EPHA7: variants seen among roughly 807,000 people sequenced by gnomAD.
EPHA7 encodes EPH receptor A7.
EPHA7 carries 25 observed loss-of-function variants against 112.6 expected under a neutral mutation model. That is an observed-to-expected ratio of 0.22 (90% CI 0.16 to 0.31). The LOEUF (loss-of-function observed/expected upper bound fraction) is 0.31. EPHA7 is among the 10% of genes least tolerant of loss of function. EPHA7 has a pLI of 1.00. For missense variants in EPHA7, 962 were observed against 1,212.6 expected (o/e 0.79, Z 3.07); for synonymous variants, 437 against 406.5 (o/e 1.07, Z -0.90).
intron 5 of EPHA7, among the ~76,000 whole-genome samples, chr6:93,284,831 C>T (rs1358917119): frequency 6.7e-6 from 1 of 149,202 alleles, no homozygotes; most frequent in African/African-American, 2.5e-5. Flanking sequence ...GAACATCACA[C>T]ACCAGGGCCT....
rs1043638833 is a variant in EPHA7, at chr6:93,394,433, T to G, written c.832+16068A>C. Among the ~76,000 whole-genome samples, 3 of 151,602 alleles carry G rather than the reference T, an allele frequency of 2.0e-5. No individual in the cohort carries two copies. In the East Asian group the frequency reaches 5.8e-4, roughly 29 times the overall value. ...TTGAGCACCATTTTACTTAGAAAGG[T>G]GCTTAGATTAACAAAAATGTGGGAG... is the stretch of plus-strand genomic sequence containing the variant. On this transcript the variant is annotated intron_variant, in intron 3 of 16. Coordinates refer to ENST00000369303, the MANE Select transcript of EPHA7 (RefSeq NM_004440.4).
Position 93,245,390 on chromosome 6 carries a change from T to C in EPHA7, c.2790A>G (p.Glu930=). The C allele has an allele frequency of 6.2e-7, 1 of 1,613,812 alleles. No homozygotes were observed. Among genetic ancestry groups the C allele is most frequent in the Non-Finnish European group, 8.5e-7 (1 of 1,179,868 alleles). Residue 930 remains glutamate, a synonymous_variant, in exon 16 of 17, where the codon GAA becomes GAG. Coordinates refer to ENST00000369303, the MANE Select transcript of EPHA7 (RefSeq NM_004440.4). ...PDFTTFCSVG[E]WLQAIKMERY... ...TTTCCATCTTAATAGCTTGTAGCCA[T>C]TCTCCAACTGAACAAAAGGTAGTGA...
At chr6:93,351,441 T>C (rs1775689078) in intron 5 of EPHA7, among the ~76,000 whole-genome samples, 1 of 152,076 alleles carries the variant, frequency 6.6e-6, no homozygotes, top group African/African-American at 2.4e-5. Flanking sequence ...TGAGAAACTA[T>C]CCCTAACCTC....
intron 3 of EPHA7, among the ~76,000 whole-genome samples, chr6:93,407,265 C>G (rs1226325550): frequency 6.6e-6 from 1 of 152,052 alleles, no homozygotes; most frequent in Non-Finnish European, 1.5e-5. Context: ...GCTAACCACT[C>G]TCATTTGGCT....
intron 14 of EPHA7, 108 bp from the exon 15 acceptor site, chr6:93,247,093 G>T: frequency 9.9e-7 from 1 of 1,005,092 alleles, no homozygotes; most frequent in South Asian, 2.3e-5. Flanking sequence ...GAGGCACAAT[G>T]CTTCACAAAA....
At chr6:93,366,078 T>C (rs895537322) in intron 3 of EPHA7, among the ~76,000 whole-genome samples, 4 of 152,160 alleles carry the variant, frequency 2.6e-5, no homozygotes, top group African/African-American at 4.8e-5. Flanking sequence ...TCTGGAGTTA[T>C]GACTCTTTAT....
chr6:93,291,280 A>T (rs367833661), intron 5 of EPHA7, among the ~76,000 whole-genome samples: 132 of 152,342 alleles, frequency 8.7e-4, no homozygotes, highest in East Asian at 8.1e-3. Flanking sequence ...TTTATTTTGA[A>T]TGCAATGTTC....
Position 93,240,558 on chromosome 6 carries a change from C to T in EPHA7, c.*2868G>A, listed in dbSNP as rs532104624. On this transcript the variant is annotated 3_prime_UTR_variant, in exon 17 of 17. Coordinates refer to ENST00000369303, the MANE Select transcript of EPHA7 (RefSeq NM_004440.4). ...TCAATTGCTGAGAAAATGTTAGATT[C>T]AAATGTAGAACAAGTTACTTTTATT... 1 of 220,226 alleles carries T rather than the reference C, an allele frequency of 4.5e-6. No homozygotes were observed. Among genetic ancestry groups the T allele is most frequent in the South Asian group, 1.9e-4 (1 of 5,396 alleles). 13.6% of individuals were successfully genotyped at this position (220,226 alleles called of 1,614,324 possible).
intron 5 of EPHA7, among the ~76,000 whole-genome samples, chr6:93,321,395 A>G (rs1774065858): frequency 6.6e-6 from 1 of 151,866 alleles, no homozygotes; most frequent in African/African-American, 2.4e-5. Flanking sequence ...GCATTCCCCA[A>G]TAAAATTCCT....
chr6:93,398,923 A>C lies in EPHA7; in HGVS notation c.832+11578T>G, dbSNP rs535114142. Among the ~76,000 whole-genome samples the C allele has an allele frequency of 4.6e-5, 7 of 152,196 alleles. No individual in the cohort carries two copies. The South Asian group carries it at 8.3e-4, about 18-fold the overall frequency. ...CTGTCAGGTTTATTTTGCAAACTAA[A>C]ACACTGTCTCAACATAACTCTTGAG... On this transcript the variant is annotated intron_variant, in intron 3 of 16. Transcript: ENST00000369303.
At chr6:93,395,990 C>T (rs1371050187) in intron 3 of EPHA7, among the ~76,000 whole-genome samples, 4 of 151,936 alleles carry the variant, frequency 2.6e-5, no homozygotes, top group South Asian at 2.1e-4. Context: ...AAGAGCATGC[C>T]CTTTTTGGCT....
chr6:93,358,202 G>A, intron 4 of EPHA7, 54 bp downstream of exon 4: 2 of 1,419,942 alleles, frequency 1.4e-6, no homozygotes, highest in South Asian at 1.6e-5. Context: ...TGTCACAACA[G>A]TACAAATGAG....
Position 93,257,494 on chromosome 6 carries a change from T to G in EPHA7, c.2140A>C (p.Met714Leu), listed in dbSNP as rs1050029945. ...GKPVMIVIEF[M>L]ENGALDAFLR... ...AATGCATCTAGGGCTCCATTTTCCA[T>G]GAACTCTATTACTATCATGACTGGT... Residue 714 changes from methionine to leucine, a missense_variant, in exon 12 of 17, where the codon ATG becomes CTG. Met to Leu is a conservative substitution (Grantham distance 15). Around this residue, in one of 3 missense-constraint regions of EPHA7, gnomAD observed 746 missense variants for 889.2 expected, o/e 0.84. Transcript: ENST00000369303. 6.2e-7 allele frequency: 1 copy of G among 1,611,740 alleles called. No individual in the cohort carries two copies. Among genetic ancestry groups the G allele is most frequent in the Non-Finnish European group, 8.5e-7 (1 of 1,178,788 alleles).
At chr6:93,249,994 A>G (rs1770133515) in intron 14 of EPHA7, among the ~76,000 whole-genome samples, 1 of 152,164 alleles carries the variant, frequency 6.6e-6, no homozygotes, top group Admixed American at 6.6e-5. Flanking sequence ...TCCTTTTGTT[A>G]TTGTAGAGAA....
chr6:93,328,935 A>C (rs1224033313), intron 5 of EPHA7, among the ~76,000 whole-genome samples: 5 of 151,514 alleles, frequency 3.3e-5, no homozygotes, highest in Non-Finnish European at 4.4e-5. Context: ...AGGGAAGAGA[A>C]AAACAGCAAG....
Position 93,272,403 on chromosome 6 carries a change from T to C in EPHA7, c.1344A>G (p.Gly448=), listed in dbSNP as rs138194107. Residue 448 remains glycine (G), a synonymous_variant, in exon 6 of 17, where the codon GGA becomes GGG. Transcript: ENST00000369303. ...TGQAAPSQVS[G]VMKERVLQRS... is the part of the protein sequence containing the mutation. ...GCTGCAGTACTCTCTCCTTCATTAC[T>C]CCACTCACTTGCGAGGGAGCTGTTT... The C allele has an allele frequency of 9.3e-6, 15 of 1,611,902 alleles. No homozygotes were observed. The African/African-American group carries it at 2.0e-4, about 22-fold the overall frequency.
At chr6:93,405,181 A>T (rs1778634555) in intron 3 of EPHA7, among the ~76,000 whole-genome samples, 1 of 151,908 alleles carries the variant, frequency 6.6e-6, no homozygotes, top group Admixed American at 6.6e-5. Flanking sequence ...ATTTTGCATA[A>T]TTCTAAATGT....
intron 3 of EPHA7, among the ~76,000 whole-genome samples, chr6:93,405,813 G>GTGTGTA (rs1357089640): frequency 1.3e-3 from 95 of 73,976 alleles, no homozygotes; most frequent in East Asian, 1.8e-3. Context: ...GTGTGTGTGT[G>GTGTGTA]TATATATATA....
At chr6:93,290,785 C>T (rs1052517313) in intron 5 of EPHA7, among the ~76,000 whole-genome samples, 2 of 152,048 alleles carry the variant, frequency 1.3e-5, no homozygotes, top group Admixed American at 6.6e-5. Flanking sequence ...AACATAACAG[C>T]GAGGCTCTTA....
Sources: gnomAD v4.1 joint callset for allele counts (sites outside exome capture counted in the v4.1 genomes callset) on GRCh38, gnomAD v4.1.1 for gene constraint, gnomAD v4.1.1 regional missense constraint, MANE v1.5 for transcripts, NCBI Gene and HGNC (gene_info 2026-07-23, HGNC 2026-07-21) for gene names.